The following ANKRD30B variants were observed in gnomAD, a reference collection of about 807,000 sequenced individuals.
The protein encoded by ANKRD30B is ankyrin repeat domain-containing protein 30B.
In ANKRD30B, 144 loss-of-function variants were observed where a neutral mutation model predicts 202.2. The ratio of observed to expected loss-of-function variants is 0.71; its 90% confidence interval spans 0.62 to 0.82. ANKRD30B has a LOEUF of 0.82. Ranked by LOEUF, ANKRD30B falls within the 40% of genes least tolerant of loss-of-function variation. The probability of loss-of-function intolerance (pLI) is 0.00; values close to 1 mark genes in which losing one functional copy is unlikely to be tolerated. For synonymous variants in ANKRD30B, 508 were observed against 561.3 expected (o/e 0.91, Z 1.34); for missense variants, 1,487 against 1,669.1 (o/e 0.89, Z 1.90).
chr18:14,858,456 A>T (rs2143308892), downstream of ANKRD30B, among the ~76,000 whole-genome samples: 1 of 88,230 alleles, frequency 1.1e-5, no homozygotes, highest in South Asian at 3.8e-4. Context: ...CACCTCCCAG[A>T]CAATGGGCAG....
At chr18:14,796,975 C>A (rs114446185) in intron 18 of ANKRD30B, among the ~76,000 whole-genome samples, 2,430 of 152,108 alleles carry the variant, frequency 0.016, 70 homozygotes, top group African/African-American at 0.056. Flanking sequence ...TCTAACAAAG[C>A]CTTAAAACAG....
intron 16 of ANKRD30B, among the ~76,000 whole-genome samples, chr18:14,792,878 A>C (rs1042523154): frequency 5.3e-5 from 8 of 152,266 alleles, no homozygotes; most frequent in African/African-American, 1.9e-4. Flanking sequence ...AGCGAATAAC[A>C]TGATATACCA....
At chr18:14,877,180 G>A in the ANKRD30B span, among the ~76,000 whole-genome samples, 1 of 152,258 alleles carries the variant, frequency 6.6e-6, no homozygotes, top group Non-Finnish European at 1.5e-5. Context: ...GTAGAAGTTG[G>A]AATCTGATTT....
intron 8 of ANKRD30B, among the ~76,000 whole-genome samples, chr18:14,771,403 A>G (rs1384287991): frequency 1.3e-5 from 2 of 152,190 alleles, no homozygotes; most frequent in Admixed American, 6.5e-5. Flanking sequence ...ATAAGTACCT[A>G]TGAAGATTTT....
At chr18:14,862,681 C>A in the ANKRD30B span, among the ~76,000 whole-genome samples, 1 of 152,168 alleles carries the variant, frequency 6.6e-6, no homozygotes, top group African/African-American at 2.4e-5. Flanking sequence ...CCTCGAGATC[C>A]CTGAATGGTA....
intron 15 of ANKRD30B, among the ~76,000 whole-genome samples, chr18:14,790,485 C>A (rs1968410916): frequency 1.3e-5 from 2 of 152,148 alleles, no homozygotes; most frequent in African/African-American, 4.8e-5. Context: ...AAAGGGAATG[C>A]TTCCAGTTTT....
chr18:14,792,097 G>A (rs951075344), intron 16 of ANKRD30B, among the ~76,000 whole-genome samples: 16 of 152,238 alleles, frequency 1.1e-4, no homozygotes, highest in Non-Finnish European at 2.2e-4. Flanking sequence ...TATACACTCC[G>A]TATAGACCAT....
intron 3 of ANKRD30B, among the ~76,000 whole-genome samples, chr18:14,753,454 C>G (rs925875748): frequency 6.6e-6 from 1 of 152,132 alleles, no homozygotes; most frequent in Non-Finnish European, 1.5e-5. Context: ...TAGCTTTACA[C>G]AAAGCATGTT....
At chr18:14,892,042 T>C in the ANKRD30B span, among the ~76,000 whole-genome samples, 9 of 152,270 alleles carry the variant, frequency 5.9e-5, no homozygotes, top group Non-Finnish European at 1.2e-4. Context: ...ACCAAACTAA[T>C]ATTTAAAAGA....
chr18:14,809,031 T>C lies in ANKRD30B; in HGVS notation c.2386+287T>C, dbSNP rs1004711683. Among the ~76,000 whole-genome samples, 42 of 149,052 alleles carry C rather than the reference T, an allele frequency of 2.8e-4. 1 individual carries two copies. Among genetic ancestry groups the C allele is most frequent in the African/African-American group, 1.0e-3 (40 of 40,168 alleles). On this transcript the variant is annotated intron_variant, in intron 26 of 43. Transcript: ENST00000690538. The stretch of plus-strand genomic sequence containing the variant: ...GGTGGATCGGCAGGTTGAGAAAGAA[T>C]AGACACAGACAAGATAGTGAAAGCT...
At chr18:14,873,868 T>A in the ANKRD30B span, among the ~76,000 whole-genome samples, 2,906 of 152,218 alleles carry the variant, frequency 0.019, 95 homozygotes, top group African/African-American at 0.067. Context: ...TCCATTTAAC[T>A]CGGTGTCAAG....
intron 16 of ANKRD30B, among the ~76,000 whole-genome samples, chr18:14,793,493 G>A (rs898378848): frequency 1.3e-5 from 2 of 151,300 alleles, no homozygotes; most frequent in African/African-American, 2.4e-5. Context: ...ATACATATTG[G>A]CATTAACATT....
intron 4 of ANKRD30B, among the ~76,000 whole-genome samples, chr18:14,756,127 T>A (rs1914318819): frequency 6.6e-6 from 1 of 152,300 alleles, no homozygotes; most frequent in South Asian, 2.1e-4. Context: ...CTCATTGTGG[T>A]TTTGATTTGC....
chr18:14,849,872 C>G (rs1229994678), intron 40 of ANKRD30B, among the ~76,000 whole-genome samples: 11 of 151,316 alleles, frequency 7.3e-5, no homozygotes, highest in Non-Finnish European at 1.6e-4. Flanking sequence ...ATGATCTGTC[C>G]TCACTGAGGA....
chr18:14,786,062 A>AAAAAACAAAAAAAAC (rs1968066152), intron 14 of ANKRD30B, among the ~76,000 whole-genome samples: 1 of 151,504 alleles, frequency 6.6e-6, no homozygotes, highest in East Asian at 1.9e-4. Context: ...AAAAAAAAAA[A>AAAAAACAAAAAAAAC]AAAAAAAAAC....
intron 7 of ANKRD30B, among the ~76,000 whole-genome samples, chr18:14,765,975 G>C (rs1041681465): frequency 1.1e-4 from 17 of 152,114 alleles, no homozygotes; most frequent in African/African-American, 3.6e-4. Flanking sequence ...TCAGTTAAGG[G>C]GCCATGTCTA....
downstream of ANKRD30B, among the ~76,000 whole-genome samples, chr18:14,858,639 A>C (rs1331049757): frequency 1.2e-4 from 13 of 107,590 alleles, no homozygotes; most frequent in East Asian, 2.7e-4. Context: ...CTCCTCACCT[A>C]CCAGACGAAG....
At chr18:14,883,399 C>CTCTCTATA in the ANKRD30B span, 1 of 37,212 alleles carries the variant, frequency 2.7e-5, no homozygotes, top group Admixed American at 3.5e-4. Flanking sequence ...CTCTCTCTCT[C>CTCTCTATA]TATATATATA....
chr18:14,790,780 G>A (rs1198698886), intron 15 of ANKRD30B, among the ~76,000 whole-genome samples: 4 of 151,952 alleles, frequency 2.6e-5, no homozygotes, highest in Admixed American at 6.6e-5. Context: ...TGTGCTGCTG[G>A]ATTCGGTTTG....
Sources: gnomAD v4.1 joint callset for allele counts (sites outside exome capture counted in the v4.1 genomes callset) on GRCh38, gnomAD v4.1.1 for gene constraint, MANE v1.5 for transcripts, NCBI Gene and HGNC (gene_info 2026-07-23, HGNC 2026-07-21) for gene names.